Variants in QTMAN observed in about 807,000 individuals in gnomAD.
The protein encoded by QTMAN is tRNA-queuosine alpha-mannosyltransferase.
the QTMAN span, among the ~76,000 whole-genome samples, chr2:143,972,226 T>C: frequency 1.3e-5 from 2 of 152,166 alleles, no homozygotes; most frequent in African/African-American, 2.4e-5. Context: ...TTCAACCATA[T>C]CAATCAAATA....
the QTMAN span, among the ~76,000 whole-genome samples, chr2:144,261,662 T>A: frequency 6.6e-6 from 1 of 152,230 alleles, no homozygotes; most frequent in South Asian, 2.1e-4. Context: ...TTGAAAGTTC[T>A]CAGGGAGACG....
At chr2:144,293,965 C>CTT in the QTMAN span, among the ~76,000 whole-genome samples, 1 of 152,104 alleles carries the variant, frequency 6.6e-6, no homozygotes, top group Non-Finnish European at 1.5e-5. Context: ...TACATATAAA[C>CTT]ATAAGATTTT....
the QTMAN span, among the ~76,000 whole-genome samples, chr2:144,235,050 G>A: frequency 4.6e-5 from 7 of 152,140 alleles, no homozygotes; most frequent in African/African-American, 1.4e-4. Flanking sequence ...CTCGCTGCTC[G>A]CCTTTTATAT....
chr2:144,075,871 G>C, the QTMAN span, among the ~76,000 whole-genome samples: 4 of 152,244 alleles, frequency 2.6e-5, no homozygotes, highest in Non-Finnish European at 5.9e-5. Context: ...CTGGACAGTT[G>C]TGTCAGTCCT....
the QTMAN span, among the ~76,000 whole-genome samples, chr2:144,104,025 G>A: frequency 6.6e-6 from 1 of 152,136 alleles, no homozygotes; most frequent in Non-Finnish European, 1.5e-5. Flanking sequence ...GGGAAGCAGG[G>A]GTTGCAGTGA....
chr2:143,973,706 A>C, the QTMAN span, among the ~76,000 whole-genome samples: 534 of 151,818 alleles, frequency 3.5e-3, 4 homozygotes, highest in Non-Finnish European at 2.0e-3. Flanking sequence ...GGAGAATGGC[A>C]TGAACCCGGG....
At chr2:144,171,747 G>GCA in the QTMAN span, among the ~76,000 whole-genome samples, 1 of 152,066 alleles carries the variant, frequency 6.6e-6, no homozygotes, top group South Asian at 2.1e-4. Flanking sequence ...GATAAAGGTA[G>GCA]CACCAAACTG....
chr2:144,114,334 T>G, the QTMAN span, among the ~76,000 whole-genome samples: 7 of 152,188 alleles, frequency 4.6e-5, no homozygotes, highest in African/African-American at 1.7e-4. Flanking sequence ...AAAAGACAAT[T>G]TAATCTAATG....
chr2:144,076,162 G>T, the QTMAN span, among the ~76,000 whole-genome samples: 2 of 152,124 alleles, frequency 1.3e-5, no homozygotes, highest in Non-Finnish European at 2.9e-5. Context: ...CAGGAGAATC[G>T]CTTGAACCTG....
At chr2:143,940,023 C>T in the QTMAN span, 1 of 152,198 alleles carries the variant, frequency 6.6e-6, no homozygotes, top group African/African-American at 2.4e-5. Context: ...CATCCTACCT[C>T]CCCATTCCAC....
At chr2:144,236,082 G>A in the QTMAN span, among the ~76,000 whole-genome samples, 1 of 151,938 alleles carries the variant, frequency 6.6e-6, no homozygotes, top group Non-Finnish European at 1.5e-5. Context: ...AAATTTGTGG[G>A]TTTATGTAAA....
At chr2:143,983,266 A>G in the QTMAN span, among the ~76,000 whole-genome samples, 2 of 152,180 alleles carry the variant, frequency 1.3e-5, no homozygotes, top group Admixed American at 6.5e-5. Context: ...AACAATTTGC[A>G]GTGCCAGGCA....
the QTMAN span, among the ~76,000 whole-genome samples, chr2:144,065,680 C>T: frequency 3.9e-5 from 6 of 152,072 alleles, no homozygotes; most frequent in East Asian, 3.9e-4. Context: ...AGAAGTCCTC[C>T]TATTAAAGTT....
At chr2:144,306,536 C>T in the QTMAN span, among the ~76,000 whole-genome samples, 1 of 152,022 alleles carries the variant, frequency 6.6e-6, no homozygotes, top group African/African-American at 2.4e-5. Flanking sequence ...CTAAGAGGGC[C>T]CCACCCTCAT....
chr2:144,060,108 A>G, the QTMAN span, among the ~76,000 whole-genome samples: 1 of 152,166 alleles, frequency 6.6e-6, no homozygotes, highest in African/African-American at 2.4e-5. Flanking sequence ...GTTCTAGGAA[A>G]GAATCCCATC....
the QTMAN span, among the ~76,000 whole-genome samples, chr2:144,017,927 A>T: frequency 6.6e-6 from 1 of 152,200 alleles, no homozygotes; most frequent in Non-Finnish European, 1.5e-5. Context: ...CACTTAAGGC[A>T]GGTACTTTTA....
the QTMAN span, among the ~76,000 whole-genome samples, chr2:144,085,541 C>A: frequency 6.6e-6 from 1 of 152,104 alleles, no homozygotes; most frequent in Non-Finnish European, 1.5e-5. Context: ...TCAGAGAATC[C>A]AAAAGTGGAG....
chr2:144,011,528 G>T, the QTMAN span: 1 of 658,896 alleles, frequency 1.5e-6, no homozygotes, highest in Non-Finnish European at 1.9e-6. Context: ...CTAACAAGCA[G>T]TTTGCTTAAT....
At chr2:143,955,751 G>A in the QTMAN span, among the ~76,000 whole-genome samples, 1 of 152,178 alleles carries the variant, frequency 6.6e-6, no homozygotes, top group South Asian at 2.1e-4. Context: ...ACCCACTAAG[G>A]TGATGTTCTA....
Sources: allele counts gnomAD v4.1 joint callset (sites outside exome capture counted in the v4.1 genomes callset), GRCh38; gene constraint gnomAD v4.1.1; transcripts MANE v1.5; gene names NCBI Gene and HGNC (gene_info 2026-07-23, HGNC 2026-07-21).